ATP2A3: variants seen among roughly 807,000 people sequenced by gnomAD.
ATP2A3 encodes the protein sarcoplasmic/endoplasmic reticulum calcium ATPase 3.
Under a neutral mutation model 106.8 loss-of-function variants are expected in ATP2A3, and 61 were observed. The observed-to-expected ratio is 0.57, with a 90% CI of 0.46 to 0.71. ATP2A3 has a LOEUF of 0.71. ATP2A3 is among the 30% of genes least tolerant of loss of function. The probability of loss-of-function intolerance (pLI) is 0.00; values close to 1 mark genes in which losing one functional copy is unlikely to be tolerated. For missense variants in ATP2A3, 1,201 were observed against 1,423.5 expected, an observed-to-expected ratio of 0.84 and a Z score of 2.52; for synonymous variants, 611 against 609.3, an observed-to-expected ratio of 1.00 and a Z score of -0.04.
intron 9 of ATP2A3, 64 bp downstream of exon 9, chr17:3,944,993 TCGG>T: frequency 7.4e-7 from 1 of 1,344,806 alleles, no homozygotes; most frequent in Non-Finnish European, 9.6e-7. Context: ...CACGGCCACC[TCGG>T]CGCCGCCACG....
chr17:3,951,726 C>A (rs1438450659), intron 3 of ATP2A3, 41 bp from the exon 4 acceptor site: 1 of 1,555,978 alleles, frequency 6.4e-7, no homozygotes, highest in Non-Finnish European at 8.8e-7. Context: ...CTGCTGCGGG[C>A]CGAGATCTGC....
At position 3,939,034 on chromosome 17, in the gene ATP2A3, G is replaced by A. The variant is rs527623123; in HGVS notation, c.2101-1398C>T. On this transcript the variant is annotated intron_variant, in intron 14 of 20. Transcript: ENST00000397041. Reference sequence around the variant, plus strand: ...ATTAAAAAATTAGCCAGGCATGGTGGTGCATGCCTGTAGTCCCAGCTCCTC... The same window carrying A: ...ATTAAAAAATTAGCCAGGCATGGTGATGCATGCCTGTAGTCCCAGCTCCTC... 2.0e-5 allele frequency among the ~76,000 whole-genome samples: 3 copies of A among 152,224 alleles called. No individual in the cohort carries two copies. In the South Asian group the frequency reaches 6.2e-4, roughly 32 times the overall value.
At chr17:3,959,310 C>T (rs1353870575) in intron 1 of ATP2A3, among the ~76,000 whole-genome samples, 16 of 152,226 alleles carry the variant, frequency 1.1e-4, no homozygotes, top group Admixed American at 1.0e-3. Context: ...TCCCCTACCT[C>T]ATCGCTGTGC....
rs1264702774 is a variant in ATP2A3 at position 3,944,778 on chromosome 17, C to G, written c.1213G>C (p.Gly405Arg). 3.7e-6 allele frequency: 6 copies of G among 1,612,222 alleles called. No homozygotes were observed. The African/African-American group carries it at 6.7e-5, about 18-fold the overall frequency. The change falls in exon 10 of 21, where the codon GGC (glycine) becomes CGC (arginine). Residue 405 changes from glycine (G) to arginine (R), a missense_variant. Gly to Arg is a moderately radical substitution (Grantham distance 125). Coordinates refer to ENST00000397041, the MANE Select transcript of ATP2A3 (RefSeq NM_005173.4). ...VRQGDQPVRC[G>R]QFDGLVELAT... ...AGCTCCACCAGCCCGTCGAACTGGC[C>G]GCAGCGCACAGGCTGATCCCCCTGC...
chr17:3,941,195 C>T lies in ATP2A3; in HGVS notation c.1876G>A (p.Gly626Arg). 4 of 1,614,152 alleles carry T rather than the reference C, an allele frequency of 2.5e-6. No homozygotes were observed. The highest frequency in any genetic ancestry group is 2.5e-6 in the Non-Finnish European group (3 of 1,180,028). The change falls in exon 14 of 21, where the codon GGG becomes AGG. Residue 626 changes from glycine (G) to arginine (R), a missense_variant. Gly to Arg is a moderately radical substitution (Grantham distance 125). Coordinates refer to ENST00000397041, the MANE Select transcript of ATP2A3 (RefSeq NM_005173.4). The stretch of plus-strand genomic sequence containing the variant: ...GCCACGGCAGTGCCTTTGTTATCCC[C>T]CGTGATCATGACCACGCGGATGCCC... ...QAGIRVVMITGDNKGTAVAIC... is the reference protein window; with the variant it reads ...QAGIRVVMITRDNKGTAVAIC...
In ATP2A3 at chr17:3,928,639, G is replaced by A. The variant is rs1197077771; in HGVS notation, c.2980+24C>T. On this transcript the variant is annotated intron_variant, in intron 20 of 20. Coordinates refer to ENST00000397041, the MANE Select transcript of ATP2A3 (RefSeq NM_005173.4). The surrounding 1 kb of genome is among the most constrained non-coding windows in gnomAD (Gnocchi z 6.1). ...GAGGCGGGCGGGGAGGCAGGCTGGA[G>A]GCGGGACGGGGCCTCCCACTCACCG... 1 of 1,537,166 alleles carries A rather than the reference G, an allele frequency of 6.5e-7. No homozygotes were observed. The highest frequency in any genetic ancestry group is 8.8e-7 in the Non-Finnish European group (1 of 1,134,986).
chr17:3,959,206 T>C (rs889847124), intron 1 of ATP2A3, among the ~76,000 whole-genome samples: 1 of 152,086 alleles, frequency 6.6e-6, no homozygotes, highest in Non-Finnish European at 1.5e-5. Flanking sequence ...GCCTTCCTCC[T>C]CCAACATTTT....
chr17:3,937,926 T>C (rs1457462286), intron 14 of ATP2A3, among the ~76,000 whole-genome samples: 1 of 151,740 alleles, frequency 6.6e-6, no homozygotes, highest in Non-Finnish European at 1.5e-5. Flanking sequence ...AGGGTAGGGA[T>C]GAAATTGAGG....
At chr17:3,957,446 T>G (rs886283799) in intron 1 of ATP2A3, among the ~76,000 whole-genome samples, 1 of 152,214 alleles carries the variant, frequency 6.6e-6, no homozygotes, top group Non-Finnish European at 1.5e-5. Flanking sequence ...TCCTGACCGT[T>G]GGGCTGGATG....
In ATP2A3 at chr17:3,930,461, G is replaced by C. The variant is rs367863718; in HGVS notation, c.2611-27C>G. ...TGGGGGCACCGTGGCAGGTCAGAGA[G>C]AGCGGCAGGTCAGGCGAGGGGCTGG... On this transcript the variant is annotated intron_variant, in intron 17 of 20. Transcript: ENST00000397041. This position sits in a 1 kb window ranked among gnomAD's most constrained non-coding sequence, Gnocchi z 5.4. 4 of 1,612,824 alleles carry C rather than the reference G, an allele frequency of 2.5e-6. No individual in the cohort carries two copies. In the African/African-American group the frequency reaches 5.3e-5, roughly 22 times the overall value.
Position 3,929,348 on chromosome 17 carries a change from G to A in ATP2A3, c.2842C>T (p.Leu948=), listed in dbSNP as rs1159642858. 3.2e-6 allele frequency: 5 copies of A among 1,554,738 alleles called. No individual in the cohort carries two copies. Among genetic ancestry groups the A allele is most frequent in the Admixed American group, 1.9e-5 (1 of 51,468 alleles). The part of the protein sequence containing the change: ...AMSMALHFLI[L]LVPPLPLIFQ... ...CTCACAGGCAGGGGCGGCACGAGCA[G>A]GATGAGGAAGTGCAGGGCCATGGAC... Residue 948 remains leucine, a synonymous_variant, in exon 19 of 21, where the codon CTG becomes TTG. Coordinates refer to ENST00000397041, the MANE Select transcript of ATP2A3 (RefSeq NM_005173.4). The surrounding 1 kb of genome is among the most constrained non-coding windows in gnomAD (Gnocchi z 4.3).
intron 8 of ATP2A3, among the ~76,000 whole-genome samples, chr17:3,946,572 G>A (rs768907163): frequency 9.9e-5 from 15 of 152,002 alleles, no homozygotes; most frequent in African/African-American, 1.7e-4. Context: ...AAAAAAAATC[G>A]CTATTAGTCA....
chr17:3,928,592 C>T lies in ATP2A3; in HGVS notation c.2980+71G>A, dbSNP rs868105254. The T allele has an allele frequency of 1.5e-6, 2 of 1,331,806 alleles. No individual in the cohort carries two copies. The highest frequency in any genetic ancestry group is 2.1e-6 in the Non-Finnish European group (2 of 948,580). 82.5% of individuals were successfully genotyped at this position (1,331,806 alleles called of 1,614,324 possible). On this transcript the variant is annotated intron_variant, in intron 20 of 20. Coordinates refer to ENST00000397041, the MANE Select transcript of ATP2A3 (RefSeq NM_005173.4). The surrounding 1 kb of genome is among the most constrained non-coding windows in gnomAD (Gnocchi z 6.1). ...GAGGCTCTGCGCTCCACACCCACAG[C>T]GTCCACTGCAGCCCAGGAGCAGAGG...
Position 3,951,611 on chromosome 17 carries a change from G to C in ATP2A3, c.294C>G (p.Leu98=). The change falls in exon 4 of 21, where the codon CTC becomes CTG. Residue 98 remains leucine (L), a synonymous_variant. Coordinates refer to ENST00000397041, the MANE Select transcript of ATP2A3 (RefSeq NM_005173.4). ...FVEPLVIMLI[L]VANAIVGVWQ... ...ACACGCCCACAATGGCGTTGGCCAC[G>C]AGGATCAGCATGATGACCAGGGGCT... 7.1e-7 allele frequency: 1 copy of C among 1,413,482 alleles called. No homozygotes were observed. The highest frequency in any genetic ancestry group is 4.1e-5 in the East Asian group (1 of 24,612). The allele number at this position is 1,413,482 out of a possible 1,614,324, so 87.6% of individuals were successfully genotyped here.
Position 3,928,877 on chromosome 17 carries a change from T to C in ATP2A3, c.2863-97A>G, listed in dbSNP as rs2052873185. 1.1e-6 allele frequency: 1 copy of C among 929,724 alleles called. No homozygotes were observed. Among genetic ancestry groups the C allele is most frequent in the African/African-American group, 1.6e-5 (1 of 61,406 alleles). 57.6% of individuals were successfully genotyped at this position (929,724 alleles called of 1,614,324 possible). ...CTTATCCACCTGGGCTCTGATGGAC[T>C]CTTCATGAGCGCTCCTAAGAACCCC... On this transcript the variant is annotated intron_variant, in intron 19 of 20. Coordinates refer to ENST00000397041, the MANE Select transcript of ATP2A3 (RefSeq NM_005173.4). The surrounding 1 kb of genome is among the most constrained non-coding windows in gnomAD (Gnocchi z 6.1).
chr17:3,953,825 C>G lies in ATP2A3; in HGVS notation c.119-115G>C, dbSNP rs1036746447. On this transcript the variant is annotated intron_variant, in intron 1 of 20. Coordinates refer to ENST00000397041, the MANE Select transcript of ATP2A3 (RefSeq NM_005173.4). The surrounding 1 kb of genome is among the most constrained non-coding windows in gnomAD (Gnocchi z 5.1). ...CCACCGTGCCCGCCCAGACCCCCAC[C>G]ACGGACTGGATGTATCCCCAGGGCT... is the stretch of plus-strand genomic sequence containing the variant. 16 of 1,147,428 alleles carry G rather than the reference C, an allele frequency of 1.4e-5. No individual in the cohort carries two copies. The highest frequency in any genetic ancestry group is 1.9e-5 in the Non-Finnish European group (15 of 781,028). 71.1% of individuals were successfully genotyped at this position (1,147,428 alleles called of 1,614,324 possible).
chr17:3,941,719 CA>C (rs2053791346), intron 12 of ATP2A3, 65 bp from the exon 13 acceptor site: 1 of 1,536,114 alleles, frequency 6.5e-7, no homozygotes, highest in Non-Finnish European at 8.8e-7. Flanking sequence ...CCTTCCTGCC[CA>C]AACTCAGGAA....
At chr17:3,940,828 TTC>T (rs1174321888) in intron 14 of ATP2A3, 141 bp downstream of exon 14, 7 of 1,111,912 alleles carry the variant, frequency 6.3e-6, no homozygotes, top group African/African-American at 3.1e-5. Flanking sequence ...TTATTTAAAT[TTC>T]TTTTTGTATT....
At chr17:3,962,996 A>C (rs1243936555) in intron 1 of ATP2A3, among the ~76,000 whole-genome samples, 1 of 152,262 alleles carries the variant, frequency 6.6e-6, no homozygotes, top group Non-Finnish European at 1.5e-5. Flanking sequence ...TTATCTCCCC[A>C]GTTCCTCCCA....
Sources: gnomAD v4.1 joint callset for allele counts (sites outside exome capture counted in the v4.1 genomes callset) on GRCh38, gnomAD v4.1.1 for gene constraint, Gnocchi (gnomAD v3.1) non-coding constraint, MANE v1.5 for transcripts, NCBI Gene and HGNC (gene_info 2026-07-23, HGNC 2026-07-21) for gene names.